Variants in THSD7B observed in about 807,000 individuals in gnomAD.
THSD7B encodes thrombospondin type-1 domain-containing protein 7B.
A neutral mutation model predicts 213.6 loss-of-function variants in THSD7B; 138 were observed. The ratio of observed to expected loss-of-function variants is 0.65; its 90% CI spans 0.56 to 0.74. The LOEUF (loss-of-function observed/expected upper bound fraction) is 0.74, where lower values mean the gene tolerates loss of function less well. Ranked by LOEUF, THSD7B falls within the 30% of genes least tolerant of loss-of-function variation. The pLI is 0.00. For synonymous variants in THSD7B, 742 were observed against 687.0 expected (o/e 1.08, Z -1.25); for missense variants, 1,931 against 1,991.5 (o/e 0.97, Z 0.58).
At chr2:136,904,765 A>T (rs1424458110) in intron 2 of THSD7B, among the ~76,000 whole-genome samples, 1 of 152,016 alleles carries the variant, frequency 6.6e-6, no homozygotes, top group Non-Finnish European at 1.5e-5. Flanking sequence ...TTCTGAAGGA[A>T]ATGAAATAAG....
chr2:137,090,016 TAAAAAAA>T (rs1007108758), intron 3 of THSD7B, among the ~76,000 whole-genome samples: 14 of 148,540 alleles, frequency 9.4e-5, no homozygotes, highest in African/African-American at 3.2e-4. Context: ...CAAAAAAAAG[TAAAAAAA>T]GAAAAAAGAA....
At chr2:137,486,033 GC>G (rs1233320850) in intron 15 of THSD7B, among the ~76,000 whole-genome samples, 1 of 152,214 alleles carries the variant, frequency 6.6e-6, no homozygotes, top group Non-Finnish European at 1.5e-5. Flanking sequence ...ACCAGCCGCT[GC>G]AAAATCATGC....
intron 2 of THSD7B, among the ~76,000 whole-genome samples, chr2:136,938,125 T>C (rs774641964): frequency 3.3e-5 from 5 of 152,214 alleles, no homozygotes; most frequent in Non-Finnish European, 7.3e-5. Context: ...TTTGCATCTT[T>C]ACCCACACCA....
intron 20 of THSD7B, among the ~76,000 whole-genome samples, chr2:137,635,950 G>A (rs942867118): frequency 2.0e-5 from 3 of 152,084 alleles, no homozygotes; most frequent in Non-Finnish European, 2.9e-5. Context: ...TGATCTGCCC[G>A]TCTTGCATCC....
At chr2:137,443,300 A>G (rs1322499193) in intron 14 of THSD7B, among the ~76,000 whole-genome samples, 1 of 152,136 alleles carries the variant, frequency 6.6e-6, no homozygotes, top group Non-Finnish European at 1.5e-5. Context: ...TTAGGTTGAC[A>G]CTGATACATT....
chr2:137,505,113 C>G (rs1022355005), intron 15 of THSD7B, among the ~76,000 whole-genome samples: 1 of 152,108 alleles, frequency 6.6e-6, no homozygotes, highest in Non-Finnish European at 1.5e-5. Context: ...ATTGGAGGAT[C>G]GTTGAGCCTG....
chr2:137,160,490 T>G, intron 6 of THSD7B, 122 bp downstream of exon 6: 1 of 1,294,512 alleles, frequency 7.7e-7, no homozygotes. Context: ...GATAACCAGC[T>G]CAAGCCTAAC....
At chr2:137,658,716 ATTCT>A (rs1683285466) in intron 24 of THSD7B, among the ~76,000 whole-genome samples, 2 of 152,088 alleles carry the variant, frequency 1.3e-5, no homozygotes, top group South Asian at 4.2e-4. Flanking sequence ...TTCTGTGTGG[ATTCT>A]TTGTGTTATT....
At chr2:137,000,162 G>T (rs1483218454) in intron 2 of THSD7B, among the ~76,000 whole-genome samples, 2 of 152,272 alleles carry the variant, frequency 1.3e-5, no homozygotes, top group East Asian at 1.9e-4. Context: ...GACAAGAGAA[G>T]TTCAGTTGCT....
intron 5 of THSD7B, among the ~76,000 whole-genome samples, chr2:137,149,330 A>G (rs1046667513): frequency 6.6e-6 from 1 of 151,664 alleles, no homozygotes; most frequent in Non-Finnish European, 1.5e-5. Context: ...CTGCTAAGGC[A>G]GTGCAGAAGG....
intron 15 of THSD7B, among the ~76,000 whole-genome samples, chr2:137,520,964 C>G (rs1323424059): frequency 6.6e-6 from 1 of 152,108 alleles, no homozygotes; most frequent in East Asian, 1.9e-4. Context: ...TGTGGGTGAA[C>G]TCTTTGGTCA....
chr2:136,993,106 G>T (rs1558879778), intron 2 of THSD7B, among the ~76,000 whole-genome samples: 1 of 152,192 alleles, frequency 6.6e-6, no homozygotes, highest in Admixed American at 6.5e-5. Flanking sequence ...TCATAAAGTG[G>T]AGAAACAGAC....
At chr2:137,445,698 T>C (rs142640208) in intron 14 of THSD7B, among the ~76,000 whole-genome samples, 130 of 152,020 alleles carry the variant, frequency 8.6e-4, no homozygotes, top group African/African-American at 3.0e-3. Flanking sequence ...TAGCATTCAA[T>C]AGCACAATAG....
At chr2:137,359,531 A>G (rs1685206814) in intron 12 of THSD7B, among the ~76,000 whole-genome samples, 1 of 152,166 alleles carries the variant, frequency 6.6e-6, no homozygotes. Context: ...GTTTCGGGGT[A>G]GGTAAGCGCT....
intron 15 of THSD7B, among the ~76,000 whole-genome samples, chr2:137,497,209 A>G (rs1042663525): frequency 2.4e-5 from 2 of 81,968 alleles, no homozygotes; most frequent in African/African-American, 6.8e-5. Flanking sequence ...CAACACACAC[A>G]CAGACACACA....
chr2:137,490,439 T>TTTTTTAAATAAAAAAAAAA (rs1688579551), intron 15 of THSD7B, among the ~76,000 whole-genome samples: 1 of 152,182 alleles, frequency 6.6e-6, no homozygotes, highest in Admixed American at 6.5e-5. Flanking sequence ...GTTACTTTTT[T>TTTTTTAAATAAAAAAAAAA]CTTTTTTTAA....
At chr2:137,028,853 A>G (rs1261546345) in intron 2 of THSD7B, among the ~76,000 whole-genome samples, 2 of 152,094 alleles carry the variant, frequency 1.3e-5, no homozygotes, top group Non-Finnish European at 2.9e-5. Context: ...CTTAGAATTG[A>G]TATTTTGTTT....
At chr2:136,816,392 G>T (rs1682474492) in intron 1 of THSD7B, among the ~76,000 whole-genome samples, 1 of 152,054 alleles carries the variant, frequency 6.6e-6, no homozygotes, top group Non-Finnish European at 1.5e-5. Flanking sequence ...CTTCAACCTG[G>T]TATCCTGCTT....
rs529903544 is a variant in THSD7B at position 137,347,366 on chromosome 2, G to A, written c.2501-58247G>A. 9.9e-5 allele frequency among the ~76,000 whole-genome samples: 15 copies of A among 151,694 alleles called. No individual in the cohort carries two copies. The East Asian group carries it at 2.7e-3, about 28-fold the overall frequency. ...GTTACCATAGTGAGAAGTCAGTAGT[G>A]TTCCATTGATTAATAAGTCAATGAA... On this transcript the variant is annotated intron_variant, in intron 12 of 27. Transcript: ENST00000409968.
Sources: gnomAD v4.1 joint callset for allele counts (sites outside exome capture counted in the v4.1 genomes callset) on GRCh38, gnomAD v4.1.1 for gene constraint, MANE v1.5 for transcripts, NCBI Gene and HGNC (gene_info 2026-07-23, HGNC 2026-07-21) for gene names.